The following CLSTN2 variants were observed in gnomAD, a reference collection of about 807,000 sequenced individuals.
The protein encoded by CLSTN2 is calsyntenin 2.
CLSTN2 carries 48 observed loss-of-function variants against 101.2 expected under a neutral mutation model. The ratio of observed to expected loss-of-function variants is 0.47; its 90% CI spans 0.38 to 0.60. The LOEUF (loss-of-function observed/expected upper bound fraction) is 0.60. CLSTN2 is among the 20% of genes least tolerant of loss of function. CLSTN2 has a pLI of 0.00. For synonymous variants in CLSTN2, 481 were observed against 463.6 expected, an observed-to-expected ratio of 1.04 and a Z score of -0.48; for missense variants, 1,160 against 1,238.2, an observed-to-expected ratio of 0.94 and a Z score of 0.95.
rs374534945 is a variant in CLSTN2 at position 140,395,451 on chromosome 3, G to A, written c.233-8178G>A. On this transcript the variant is annotated intron_variant, in intron 2 of 16. Coordinates refer to ENST00000458420, the MANE Select transcript of CLSTN2 (RefSeq NM_022131.3). ...ATTAGGCATGGTAGTATCTTCAGCT[G>A]TAATAAAGAGAAACTTGAGAACCAC... Among the ~76,000 whole-genome samples the A allele has an allele frequency of 1.1e-4, 16 of 152,298 alleles. No homozygotes were observed. The East Asian group carries it at 1.4e-3, about 13-fold the overall frequency.
chr3:140,393,785 G>A (rs2088149070), intron 2 of CLSTN2, among the ~76,000 whole-genome samples: 1 of 152,110 alleles, frequency 6.6e-6, no homozygotes, highest in Non-Finnish European at 1.5e-5. Flanking sequence ...GCTTGACAGT[G>A]GGAAAACAAT....
chr3:140,029,107 A>T (rs2007492779), intron 1 of CLSTN2, among the ~76,000 whole-genome samples: 1 of 152,172 alleles, frequency 6.6e-6, no homozygotes, highest in African/African-American at 2.4e-5. Flanking sequence ...ATTCATGCTG[A>T]TGTGCCTTCT....
intron 9 of CLSTN2, among the ~76,000 whole-genome samples, chr3:140,540,042 C>A (rs1241480772): frequency 6.6e-6 from 1 of 152,144 alleles, no homozygotes; most frequent in Non-Finnish European, 1.5e-5. Context: ...AATTCTAGAA[C>A]CTTCCTACTG....
At chr3:140,378,605 C>A (rs2087945547) in intron 2 of CLSTN2, among the ~76,000 whole-genome samples, 1 of 152,164 alleles carries the variant, frequency 6.6e-6, no homozygotes, top group Non-Finnish European at 1.5e-5. Flanking sequence ...GCACTATGAT[C>A]CTATTGTTCA....
At chr3:139,954,074 A>G (rs1420107490) in intron 1 of CLSTN2, among the ~76,000 whole-genome samples, 2 of 152,158 alleles carry the variant, frequency 1.3e-5, no homozygotes, top group Admixed American at 6.5e-5. Context: ...TTCGTCACCC[A>G]GGTAATAAGC....
chr3:140,322,877 C>G (rs1247427468), intron 2 of CLSTN2, among the ~76,000 whole-genome samples: 1 of 152,152 alleles, frequency 6.6e-6, no homozygotes, highest in African/African-American at 2.4e-5. Flanking sequence ...AAGTTTCTCA[C>G]CCCCAGAAAA....
At chr3:140,486,265 T>A (rs1266687820) in intron 8 of CLSTN2, among the ~76,000 whole-genome samples, 1 of 120,360 alleles carries the variant, frequency 8.3e-6, no homozygotes, top group Non-Finnish European at 1.7e-5. Flanking sequence ...GAAAAACAGA[T>A]TCATAGGAAA....
rs1985570570 is a variant in CLSTN2 at position 140,572,071 on chromosome 3, T to C, written c.*5818T>C. 1 of 152,336 alleles carries C rather than the reference T, an allele frequency of 6.6e-6. No individual in the cohort carries two copies. Among genetic ancestry groups the C allele is most frequent in the Non-Finnish European group, 1.5e-5 (1 of 68,142 alleles). 9.4% of individuals were successfully genotyped at this position (152,336 alleles called of 1,614,324 possible). ...CTGACCATGAGGAGCTCTTGGCCTG[T>C]GAGCTGTTGGGATGTCCCTTTGTGG... On this transcript the variant is annotated 3_prime_UTR_variant, in exon 17 of 17. Coordinates refer to ENST00000458420, the MANE Select transcript of CLSTN2 (RefSeq NM_022131.3).
At chr3:140,166,988 CA>C (rs1422033856) in intron 1 of CLSTN2, among the ~76,000 whole-genome samples, 2 of 152,094 alleles carry the variant, frequency 1.3e-5, no homozygotes, top group African/African-American at 4.8e-5. Flanking sequence ...AACAAAAAGA[CA>C]AAGCATTTTG....
chr3:140,333,033 A>G (rs2087402388), intron 2 of CLSTN2, among the ~76,000 whole-genome samples: 1 of 152,172 alleles, frequency 6.6e-6, no homozygotes, highest in African/African-American at 2.4e-5. Flanking sequence ...TGTTAAGGCC[A>G]TTAAAAGAGA....
intron 2 of CLSTN2, among the ~76,000 whole-genome samples, chr3:140,327,516 T>C (rs1341693904): frequency 6.6e-6 from 1 of 152,190 alleles, no homozygotes; most frequent in Non-Finnish European, 1.5e-5. Context: ...ACCTTCCTCA[T>C]ATCTCTCCTC....
chr3:140,196,705 T>C (rs1225945224), intron 2 of CLSTN2, among the ~76,000 whole-genome samples: 1 of 152,190 alleles, frequency 6.6e-6, no homozygotes, highest in African/African-American at 2.4e-5. Context: ...AGCTGTCCAC[T>C]CTCATCTACT....
intron 1 of CLSTN2, among the ~76,000 whole-genome samples, chr3:139,970,645 G>A (rs193234220): frequency 9.2e-5 from 14 of 152,182 alleles, no homozygotes; most frequent in Non-Finnish European, 1.9e-4. Flanking sequence ...TGAACACAGC[G>A]GCAGTGGACC....
intron 1 of CLSTN2, among the ~76,000 whole-genome samples, chr3:140,119,147 G>T (rs538876991): frequency 2.0e-5 from 3 of 152,328 alleles, no homozygotes; most frequent in African/African-American, 7.2e-5. Context: ...AACAGGTCAT[G>T]ATCATGTTCC....
intron 1 of CLSTN2, among the ~76,000 whole-genome samples, chr3:140,124,751 TA>T (rs2009402872): frequency 6.6e-6 from 1 of 152,116 alleles, no homozygotes; most frequent in Non-Finnish European, 1.5e-5. Context: ...AACTCAATCT[TA>T]GGGGAAAATT....
At chr3:140,494,012 A>G (rs950036718) in intron 8 of CLSTN2, among the ~76,000 whole-genome samples, 5 of 152,212 alleles carry the variant, frequency 3.3e-5, no homozygotes, top group Admixed American at 1.3e-4. Context: ...AAACCCACAG[A>G]AGGATTTCTA....
chr3:140,532,191 T>TGG (rs1316302749), intron 8 of CLSTN2, 133 bp from the exon 9 acceptor site: 5 of 599,734 alleles, frequency 8.3e-6, no homozygotes, highest in African/African-American at 1.8e-5. Flanking sequence ...TGTCAACTGT[T>TGG]ATATTCCTTG....
intron 1 of CLSTN2, among the ~76,000 whole-genome samples, chr3:140,069,442 G>C (rs2008355222): frequency 6.6e-6 from 1 of 152,170 alleles, no homozygotes; most frequent in African/African-American, 2.4e-5. Flanking sequence ...TAGTGGGAAG[G>C]GGGAGTGCAC....
At chr3:140,213,979 T>G (rs184832083) in intron 2 of CLSTN2, among the ~76,000 whole-genome samples, 17 of 152,270 alleles carry the variant, frequency 1.1e-4, no homozygotes, top group Non-Finnish European at 1.5e-5. Context: ...TTTCTATCCT[T>G]GAGCTAATCC....
Sources: allele counts gnomAD v4.1 joint callset (sites outside exome capture counted in the v4.1 genomes callset), GRCh38; gene constraint gnomAD v4.1.1; transcripts MANE v1.5; gene names NCBI Gene and HGNC (gene_info 2026-07-23, HGNC 2026-07-21).